The following TENM2 variants were observed in gnomAD, a reference collection of about 807,000 sequenced individuals.
TENM2 encodes teneurin transmembrane protein 2, also known as teneurin-2.
TENM2 carries 52 observed loss-of-function variants against 245.2 expected under a neutral mutation model. That is an observed-to-expected ratio of 0.21 (90% CI 0.17 to 0.27). The LOEUF is 0.27. Ranked by LOEUF, TENM2 falls within the 10% of genes least tolerant of loss-of-function variation. The probability of loss-of-function intolerance (pLI) is 1.00; values close to 1 mark genes in which losing one functional copy is unlikely to be tolerated. For missense variants in TENM2, 3,046 were observed against 3,666.8 expected (o/e 0.83, Z 4.37); for synonymous variants, 1,363 against 1,438.9 (o/e 0.95, Z 1.19).
chr5:167,565,420 A>G (rs1773847533), intron 2 of TENM2, among the ~76,000 whole-genome samples: 3 of 152,238 alleles, frequency 2.0e-5, no homozygotes, highest in Admixed American at 6.5e-5. Context: ...ACTCACAGCA[A>G]CAGAGGTGAG....
intron 25 of TENM2, among the ~76,000 whole-genome samples, chr5:168,239,173 C>T (rs1332316930): frequency 1.3e-5 from 2 of 152,156 alleles, no homozygotes; most frequent in African/African-American, 2.4e-5. Context: ...GCATCTCGCA[C>T]CCACAGCCGG....
the TENM2 span, among the ~76,000 whole-genome samples, chr5:167,090,091 T>C: frequency 6.6e-6 from 1 of 152,104 alleles, no homozygotes; most frequent in African/African-American, 2.4e-5. Flanking sequence ...AGTGCACAGG[T>C]GGGCTTATTT....
chr5:167,345,523 T>A (rs1758402200), intron 1 of TENM2, among the ~76,000 whole-genome samples: 1 of 152,232 alleles, frequency 6.6e-6, no homozygotes, highest in Admixed American at 6.5e-5. Context: ...TGTTGTTTTC[T>A]TTGTTGAAGA....
chr5:167,445,398 G>A (rs1765151126), intron 2 of TENM2, among the ~76,000 whole-genome samples: 1 of 144,430 alleles, frequency 6.9e-6, no homozygotes, highest in Admixed American at 7.1e-5. Flanking sequence ...TTGTTGGGCA[G>A]GTAGATTGGA....
In TENM2 at chr5:168,060,573, C is replaced by A. The variant is rs561199996; in HGVS notation, c.1310-1487C>A. ...TCCAAACTTCCTTTCGGACCTCATT[C>A]CCTACTTTTATTATCCTAGAAGTCA... On this transcript the variant is annotated intron_variant, in intron 6 of 28. Transcript: ENST00000518659. Among the ~76,000 whole-genome samples, 686 of 152,244 alleles carry A rather than the reference C, an allele frequency of 4.5e-3. 5 individuals carry two copies. The highest frequency in any genetic ancestry group is 0.016 in the African/African-American group (660 of 41,526).
intron 1 of TENM2, among the ~76,000 whole-genome samples, chr5:167,371,111 A>G (rs866413494): frequency 1.8e-4 from 28 of 152,230 alleles, no homozygotes; most frequent in Non-Finnish European, 3.8e-4. Flanking sequence ...ATCAATCCAT[A>G]TAGAAGAATA....
the TENM2 span, among the ~76,000 whole-genome samples, chr5:167,134,631 C>T: frequency 6.6e-6 from 1 of 152,106 alleles, no homozygotes; most frequent in South Asian, 2.1e-4. Context: ...TTGCATATTT[C>T]CTTTATTTAG....
intron 2 of TENM2, among the ~76,000 whole-genome samples, chr5:167,404,951 T>C (rs182888405): frequency 9.3e-4 from 142 of 152,214 alleles, no homozygotes; most frequent in African/African-American, 3.3e-3. Context: ...CCTCCACAAC[T>C]GCCAGTCCTA....
At chr5:167,646,891 G>A (rs1240118734) in intron 2 of TENM2, among the ~76,000 whole-genome samples, 1 of 152,180 alleles carries the variant, frequency 6.6e-6, no homozygotes, top group Non-Finnish European at 1.5e-5. Context: ...GAAAGTTTGG[G>A]TCAAATTCTA....
At chr5:167,859,796 T>C (rs1275142044) in intron 2 of TENM2, among the ~76,000 whole-genome samples, 28 of 37,624 alleles carry the variant, frequency 7.4e-4, no homozygotes, top group East Asian at 2.9e-3. Flanking sequence ...GGGTCAGCCC[T>C]CCGCCCGGCC....
At chr5:167,450,732 C>A (rs375731341) in intron 2 of TENM2, among the ~76,000 whole-genome samples, 2 of 152,168 alleles carry the variant, frequency 1.3e-5, no homozygotes, top group African/African-American at 4.8e-5. Context: ...AGGTTTAAAT[C>A]AGCATGTATG....
intron 2 of TENM2, among the ~76,000 whole-genome samples, chr5:167,413,410 G>A (rs1287660142): frequency 1.3e-5 from 2 of 152,084 alleles, no homozygotes; most frequent in East Asian, 3.9e-4. Context: ...CTTGTATGAG[G>A]TCAAAGCCCA....
rs543500482 is a variant in TENM2 at position 167,384,689 on chromosome 5, C to T, written c.502+9216C>T. Among the ~76,000 whole-genome samples, 4 of 127,406 alleles carry T rather than the reference C, an allele frequency of 3.1e-5. 1 individual carries two copies. The highest frequency in any genetic ancestry group is 4.9e-4 in the South Asian group (2 of 4,092). The allele number at this position is 127,406 out of a possible 152,430, so 83.6% of individuals were successfully genotyped here. On this transcript the variant is annotated intron_variant, in intron 2 of 28. Transcript: ENST00000518659. Reference sequence around the variant, plus strand: ...CTGATTAAAACACACAGATACAGCGCGTGCACACGCGTGCGCGCACACACG... The same window carrying T: ...CTGATTAAAACACACAGATACAGCGTGTGCACACGCGTGCGCGCACACACG...
At chr5:168,228,931 A>T (rs1212709543) in intron 25 of TENM2, among the ~76,000 whole-genome samples, 1 of 147,674 alleles carries the variant, frequency 6.8e-6, no homozygotes, top group Non-Finnish European at 1.5e-5. Flanking sequence ...ATATTATATT[A>T]TAATGTATAA....
chr5:167,727,821 A>G (rs1227505034), intron 2 of TENM2, among the ~76,000 whole-genome samples: 1 of 152,232 alleles, frequency 6.6e-6, no homozygotes, highest in Non-Finnish European at 1.5e-5. Flanking sequence ...AAGAATTCAA[A>G]TCTAAGTTAT....
intron 1 of TENM2, among the ~76,000 whole-genome samples, chr5:167,329,645 G>A (rs1343264728): frequency 6.6e-6 from 1 of 151,006 alleles, no homozygotes; most frequent in Non-Finnish European, 1.5e-5. Flanking sequence ...CAAGGAGCTT[G>A]AGTGGGTAGA....
intron 1 of TENM2, among the ~76,000 whole-genome samples, chr5:167,291,103 T>C (rs566533134): frequency 6.6e-6 from 1 of 152,300 alleles, no homozygotes; most frequent in East Asian, 1.9e-4. Flanking sequence ...CCAGTAATTA[T>C]CTATTGTCAA....
intron 13 of TENM2, among the ~76,000 whole-genome samples, chr5:168,169,979 G>A (rs1394863008): frequency 2.0e-5 from 3 of 152,192 alleles, no homozygotes; most frequent in African/African-American, 7.2e-5. Context: ...TTGGCCTTGA[G>A]GACACTGCCA....
At chr5:167,268,831 A>G in the TENM2 span, among the ~76,000 whole-genome samples, 3 of 151,996 alleles carry the variant, frequency 2.0e-5, no homozygotes, top group Non-Finnish European at 4.4e-5. Flanking sequence ...GATCCCTGAC[A>G]TATAGCATTG....
Sources: gnomAD v4.1 joint callset for allele counts (sites outside exome capture counted in the v4.1 genomes callset) on GRCh38, gnomAD v4.1.1 for gene constraint, MANE v1.5 for transcripts, NCBI Gene and HGNC (gene_info 2026-07-23, HGNC 2026-07-21) for gene names.